CHM: variants seen among roughly 807,000 people sequenced by gnomAD.
The protein encoded by CHM is CHM Rab escort protein, also known as rab proteins geranylgeranyltransferase component A 1.
In CHM, 10 loss-of-function variants were observed where a neutral mutation model predicts 49.0. The observed-to-expected ratio is 0.20, with a 90% CI of 0.13 to 0.35. The LOEUF is 0.35. Ranked by LOEUF, CHM falls within the 10% of genes least tolerant of loss-of-function variation. The pLI, the probability that CHM is intolerant of heterozygous loss-of-function variation, is 1.00. For missense variants in CHM, 455 were observed against 478.4 expected (o/e 0.95, Z 0.46); for synonymous variants, 184 against 167.5 (o/e 1.10, Z -0.76).
chrX:85,968,400 A>G (rs1930690046), intron 4 of CHM, among the ~76,000 whole-genome samples: 1 of 112,126 alleles, frequency 8.9e-6, no homozygotes, highest in Admixed American at 9.4e-5. Context: ...GTGCAGCAGG[A>G]CTGTTGGTTG....
At chrX:85,899,691 C>CCA (rs1405962335) in intron 11 of CHM, among the ~76,000 whole-genome samples, 1 of 74,010 alleles carries the variant, frequency 1.4e-5, no homozygotes. Context: ...CCCCCCGCCC[C>CCA]AAAAAAACCC....
At chrX:85,865,859 G>A (rs1923656664) in intron 14 of CHM, among the ~76,000 whole-genome samples, 1 of 111,940 alleles carries the variant, frequency 8.9e-6, no homozygotes, top group Non-Finnish European at 1.9e-5. Context: ...ATGATTTAGG[G>A]TATGTGGCAG....
At chrX:86,015,371 G>GT (rs1569252023) in intron 2 of CHM, among the ~76,000 whole-genome samples, 1 of 112,075 alleles carries the variant, frequency 8.9e-6, no homozygotes, top group Admixed American at 9.5e-5. Context: ...ATGTGGAACT[G>GT]TAAGTCCAAT....
intron 8 of CHM, among the ~76,000 whole-genome samples, chrX:85,941,301 G>A (rs139400726): frequency 0.016 from 1,799 of 111,155 alleles, 45 homozygotes; most frequent in African/African-American, 0.057. Flanking sequence ...CAACACCTGG[G>A]AATTTGTTAA....
intron 5 of CHM, among the ~76,000 whole-genome samples, chrX:85,962,546 C>T (rs769891273): frequency 8.9e-6 from 1 of 111,878 alleles, no homozygotes; most frequent in South Asian, 3.7e-4. Flanking sequence ...ATGTTTTGGT[C>T]CCTCTCTGTC....
chrX:85,873,016 T>A (rs1216169894), intron 14 of CHM, 36 bp downstream of exon 14: 14 of 1,181,740 alleles, frequency 1.2e-5, no homozygotes, highest in Non-Finnish European at 1.4e-5. Context: ...CACACCAACA[T>A]CTTAATACAA....
chrX:85,951,142 TA>T (rs1400433708), intron 8 of CHM, among the ~76,000 whole-genome samples: 1 of 112,058 alleles, frequency 8.9e-6, no homozygotes, highest in Non-Finnish European at 1.9e-5. Flanking sequence ...ATGCTTATAT[TA>T]AAAAATATTT....
chrX:86,017,976 A>G (rs1302858172), intron 2 of CHM, among the ~76,000 whole-genome samples: 1 of 112,182 alleles, frequency 8.9e-6, no homozygotes, highest in African/African-American at 3.2e-5. Flanking sequence ...TTGATCTAAC[A>G]TATAAAGCTC....
chrX:85,903,502 A>T, intron 9 of CHM: 2 of 362,314 alleles, frequency 5.5e-6, no homozygotes, highest in Non-Finnish European at 5.4e-6. Context: ...ACTAATGGAG[A>T]TCACTCAAAA....
At chrX:86,040,514 G>A (rs1934419036) in intron 1 of CHM, among the ~76,000 whole-genome samples, 2 of 112,195 alleles carry the variant, frequency 1.8e-5, no homozygotes, top group East Asian at 2.8e-4. Flanking sequence ...CCCATGAAGG[G>A]GTCAGGAAAA....
chrX:85,975,827 G>GT (rs1485029944), intron 4 of CHM, among the ~76,000 whole-genome samples: 5 of 112,192 alleles, frequency 4.5e-5, no homozygotes, highest in Non-Finnish European at 9.4e-5. Context: ...TCTGCAAAAT[G>GT]TAACATTAGC....
chrX:85,934,172 G>A (rs1042070475), intron 8 of CHM, among the ~76,000 whole-genome samples: 2 of 108,520 alleles, frequency 1.8e-5, no homozygotes, highest in African/African-American at 6.7e-5. Context: ...AGTAGAGACA[G>A]GGTTTCACTG....
chrX:85,922,158 T>A (rs1248736985), intron 8 of CHM, among the ~76,000 whole-genome samples: 1 of 112,015 alleles, frequency 8.9e-6, no homozygotes, highest in Non-Finnish European at 1.9e-5. Context: ...TGTTTGTGGG[T>A]TACATACTTA....
intron 2 of CHM, among the ~76,000 whole-genome samples, chrX:86,016,577 C>T (rs1435821261): frequency 8.9e-6 from 1 of 112,607 alleles, no homozygotes; most frequent in Admixed American, 9.3e-5. Context: ...TGTTGCTGAG[C>T]CTGCAAGTGT....
chrX:85,918,581 C>T (rs917191039), intron 8 of CHM, among the ~76,000 whole-genome samples: 1 of 111,367 alleles, frequency 9.0e-6, no homozygotes, highest in Non-Finnish European at 1.9e-5. Flanking sequence ...ACAAGATAAA[C>T]GTCCCACTTA....
chrX:85,996,332 C>T (rs1932439456), intron 2 of CHM, among the ~76,000 whole-genome samples: 1 of 111,909 alleles, frequency 8.9e-6, no homozygotes, highest in African/African-American at 3.2e-5. Flanking sequence ...TACATATGTA[C>T]AGTTAATTTC....
chrX:85,961,257 T>C (rs780656470), intron 5 of CHM, among the ~76,000 whole-genome samples: 28 of 108,731 alleles, frequency 2.6e-4, no homozygotes, highest in African/African-American at 7.0e-4. Flanking sequence ...CCATCTCTAC[T>C]AAAAATACAA....
chrX:86,020,710 A>G (rs1304391528), intron 2 of CHM, among the ~76,000 whole-genome samples: 1 of 104,910 alleles, frequency 9.5e-6, no homozygotes, highest in African/African-American at 3.4e-5. Context: ...CATCTGATAT[A>G]TATCTCCGAT....
At chrX:85,913,332 A>AAAAAAAAAGAAAGAAAG (rs762266365) in intron 8 of CHM, among the ~76,000 whole-genome samples, 3 of 23,412 alleles carry the variant, frequency 1.3e-4, no homozygotes, top group African/African-American at 4.1e-4. Flanking sequence ...AAAAAAAAAA[A>AAAAAAAAAGAAAGAAAG]AAAGAAAGAA....
Sources: gnomAD v4.1 joint callset for allele counts (sites outside exome capture counted in the v4.1 genomes callset) on GRCh38, gnomAD v4.1.1 for gene constraint, MANE v1.5 for transcripts, NCBI Gene and HGNC (gene_info 2026-07-23, HGNC 2026-07-21) for gene names.